COL6A3: variants seen among roughly 807,000 people sequenced by gnomAD.
COL6A3 encodes collagen type VI alpha 3 chain, also known as collagen alpha-3(VI) chain.
A neutral mutation model predicts 274.1 loss-of-function variants in COL6A3; 137 were observed. The ratio of observed to expected loss-of-function variants is 0.50; its 90% CI spans 0.44 to 0.58. The LOEUF is 0.58. Ranked by LOEUF, COL6A3 falls within the 20% of genes least tolerant of loss-of-function variation. The probability of loss-of-function intolerance (pLI) is 0.00; values close to 1 mark genes in which losing one functional copy is unlikely to be tolerated. For missense variants in COL6A3, 3,950 were observed against 4,124.9 expected (o/e 0.96, Z 1.16); for synonymous variants, 1,650 against 1,650.6 (o/e 1.00, Z 0.01).
rs2077779528 is a variant in COL6A3, at chr2:237,374,517, G to A, written c.3574C>T (p.Arg1192Cys). The A allele has an allele frequency of 7.4e-6, 12 of 1,614,186 alleles. No individual in the cohort carries two copies. The highest frequency in any genetic ancestry group is 1.0e-5 in the Non-Finnish European group (12 of 1,180,030). ...ACCTGTTGGACGGTCCCCAGCTGGC[G>A]AAAGGTGGGAATGGCCACGGCAAAG... ...PDFAVAIPTF[R>C]QLGTVQQVIS... Residue 1192 changes from arginine (R) to cysteine (C), a missense_variant, in exon 8 of 44, where the codon CGC (arginine) becomes TGC (cysteine). Around this residue, in one of 5 missense-constraint regions of COL6A3, gnomAD observed 1,934 missense variants for 1,984.3 expected, o/e 0.97. Transcript: ENST00000295550. This position sits in a 1 kb window ranked among gnomAD's most constrained non-coding sequence, Gnocchi z 4.8.
intron 3 of COL6A3, among the ~76,000 whole-genome samples, chr2:237,392,697 A>ATAT (rs2078322488): frequency 6.6e-6 from 1 of 152,250 alleles, no homozygotes; most frequent in African/African-American, 2.4e-5. Context: ...CTAAATACAC[A>ATAT]GAAGAGAGTC....
At chr2:237,384,779 C>T (rs908200258) in intron 4 of COL6A3, among the ~76,000 whole-genome samples, 1 of 152,154 alleles carries the variant, frequency 6.6e-6, no homozygotes, top group Non-Finnish European at 1.5e-5. Context: ...CCACCACTAA[C>T]CCACAGCCTA....
chr2:237,351,627 G>T (rs1016878241), intron 26 of COL6A3, among the ~76,000 whole-genome samples: 1 of 152,136 alleles, frequency 6.6e-6, no homozygotes. Flanking sequence ...TTAAAATGTG[G>T]TACAGTCTAC....
rs192833000 is a variant in COL6A3, at chr2:237,366,222, T to C, written c.5501-187A>G. Among the ~76,000 whole-genome samples, 100 of 152,260 alleles carry C rather than the reference T, an allele frequency of 6.6e-4. 2 individuals carry two copies. The highest frequency in any genetic ancestry group is 2.2e-3 in the African/African-American group (93 of 41,556). On this transcript the variant is annotated intron_variant, in intron 11 of 43. Coordinates refer to ENST00000295550, the MANE Select transcript of COL6A3 (RefSeq NM_004369.4). ...CCCCTCTCACAGAGAGAAATGAGGG[T>C]AGCTGTTAGGTGCCAAATAGTAAGC...
chr2:237,396,789 A>T lies in COL6A3; in HGVS notation c.29T>A (p.Val10Glu). 1 of 1,614,236 alleles carries T rather than the reference A, an allele frequency of 6.2e-7. No homozygotes were observed. The highest frequency in any genetic ancestry group is 8.5e-7 in the Non-Finnish European group (1 of 1,180,034). Residue 10 changes from valine to glutamate, a missense_variant, in exon 2 of 44, where the codon GTG becomes GAG. Around this residue, in one of 5 missense-constraint regions of COL6A3, gnomAD observed 1,934 missense variants for 1,984.3 expected, o/e 0.97. Coordinates refer to ENST00000295550, the MANE Select transcript of COL6A3 (RefSeq NM_004369.4). ...TGAGAGAAAGAGGCAAAAGACGGCC[A>T]CTAAGGGCAAGTGCCGATGTTTCCT... is the stretch of plus-strand genomic sequence containing the variant. MRKHRHLPL[V>E]AVFCLFLSGF...
rs1284636232 is a variant in COL6A3, at chr2:237,336,480, T to A, written c.8620A>T (p.Thr2874Ser). The change falls in exon 40 of 44, where the codon ACG becomes TCG. Residue 2874 changes from threonine (T) to serine (S), a missense_variant. Thr to Ser is a moderately conservative substitution (Grantham distance 58, BLOSUM62 1). Transcript: ENST00000295550. ...GGCTTCGTCGTAGTCACCGGCTTCG[T>A]TGTCGTCACTGGGTTGGATGTAGGA... ...SSPTSNPVTTTKPVTTTKPVT... is the reference protein window; with the variant it reads ...SSPTSNPVTTSKPVTTTKPVT... 1 of 1,614,150 alleles carries A rather than the reference T, an allele frequency of 6.2e-7. No homozygotes were observed. The highest frequency in any genetic ancestry group is 1.7e-5 in the Admixed American group (1 of 60,012).
intron 41 of COL6A3, 25 bp downstream of exon 41, chr2:237,334,601 C>T (rs1469674111): frequency 7.4e-6 from 12 of 1,611,510 alleles, no homozygotes; most frequent in South Asian, 6.6e-5. Flanking sequence ...AATCAGGTAC[C>T]GACTTGTACT....
At chr2:237,357,132 G>A in intron 23 of COL6A3, 2 of 694,932 alleles carry the variant, frequency 2.9e-6, no homozygotes, top group Non-Finnish European at 5.2e-6. Context: ...ATGTTTTTGG[G>A]GAGAGCAAGA....
rs547245390 is a variant in COL6A3 at position 237,413,776 on chromosome 2, C to T, written c.-31+177G>A. Among the ~76,000 whole-genome samples, 1 of 152,240 alleles carries T rather than the reference C, an allele frequency of 6.6e-6. No homozygotes were observed. Among genetic ancestry groups the T allele is most frequent in the African/African-American group, 2.4e-5 (1 of 41,530 alleles). ...TAACCAATTTAAGGAAATCCCATTG[C>T]CATAAAGTGAGAAAGAAAAATCAGC... is the stretch of plus-strand genomic sequence containing the variant. On this transcript the variant is annotated intron_variant, in intron 1 of 43. Coordinates refer to ENST00000295550, the MANE Select transcript of COL6A3 (RefSeq NM_004369.4). The surrounding 1 kb of genome is among the most constrained non-coding windows in gnomAD (Gnocchi z 4.0).
chr2:237,324,730 G>T lies in COL6A3; in HGVS notation c.*44C>A, dbSNP rs768032349. ...CTACAGAGACAAGTTGGCGATGGCT[G>T]ACTCCTTCTTCTTCAAGAGGTATAT... On this transcript the variant is annotated 3_prime_UTR_variant, in exon 44 of 44. Transcript: ENST00000295550. The T allele has an allele frequency of 1.9e-6, 3 of 1,600,378 alleles. No homozygotes were observed. The highest frequency in any genetic ancestry group is 1.1e-5 in the South Asian group (1 of 90,786).
chr2:237,398,512 G>A (rs1042356880), intron 1 of COL6A3, among the ~76,000 whole-genome samples: 2 of 152,160 alleles, frequency 1.3e-5, no homozygotes, highest in African/African-American at 2.4e-5. Flanking sequence ...GGGTCTTTCT[G>A]TCTAGGCTGA....
intron 28 of COL6A3, among the ~76,000 whole-genome samples, chr2:237,349,577 T>C (rs2077163858): frequency 6.6e-6 from 1 of 151,316 alleles, no homozygotes; most frequent in Non-Finnish European, 1.5e-5. Flanking sequence ...TGACTCCTTT[T>C]GGAAAAAGTC....
intron 3 of COL6A3, among the ~76,000 whole-genome samples, chr2:237,392,427 G>A (rs1318742094): frequency 1.3e-5 from 2 of 152,190 alleles, no homozygotes; most frequent in African/African-American, 4.8e-5. Context: ...ATGTGGTCCT[G>A]TAGAGTGATG....
rs2078386248 is a variant in COL6A3, at chr2:237,394,754, T to C, written c.542A>G (p.Asp181Gly). Residue 181 changes from aspartate to glycine, a missense_variant, in exon 3 of 44, where the codon GAT becomes GGT. Physicochemically the swap from Asp to Gly is moderately conservative, Grantham distance 94. Transcript: ENST00000295550. ...TGCTATTTCTTTTAACGCTCCTTCA[T>C]CTGCATCCTCAACTCCAATTGCAAA... ...NVFAIGVEDA[D>G]EGALKEIASE... 1 of 1,614,112 alleles carries C rather than the reference T, an allele frequency of 6.2e-7. No individual in the cohort carries two copies. Among genetic ancestry groups the C allele is most frequent in the Admixed American group, 1.7e-5 (1 of 60,006 alleles).
At chr2:237,330,175 T>C (rs1162284087) in intron 42 of COL6A3, 1 of 152,210 alleles carries the variant, frequency 6.6e-6, no homozygotes, top group Non-Finnish European at 1.5e-5. Flanking sequence ...TTAATAGTAA[T>C]ATGCATAGAA....
Position 237,387,836 on chromosome 2 carries a change from A to G in COL6A3, c.1058T>C (p.Ile353Thr), listed in dbSNP as rs2078187411. The change falls in exon 4 of 44, where the codon ATA becomes ACA. Residue 353 changes from isoleucine to threonine, a missense_variant. Around this residue, in one of 5 missense-constraint regions of COL6A3, gnomAD observed 1,934 missense variants for 1,984.3 expected, o/e 0.97. Transcript: ENST00000295550. Reference protein sequence around the residue: ...EEGVPQVLVLISAGPSSDEIR... With the variant: ...EEGVPQVLVLTSAGPSSDEIR... ...CTCGTCACTAGAAGGCCCGGCACTT[A>G]TGAGGACCAGCACCTGGGGAACCCC... The G allele has an allele frequency of 1.2e-6, 2 of 1,614,198 alleles. No homozygotes were observed. Among genetic ancestry groups the G allele is most frequent in the Admixed American group, 3.3e-5 (2 of 60,028 alleles).
intron 1 of COL6A3, among the ~76,000 whole-genome samples, chr2:237,398,794 G>C (rs2078516726): frequency 6.6e-6 from 1 of 152,186 alleles, no homozygotes. Flanking sequence ...TCTCTGGTCA[G>C]GGGTTCCCTT....
In COL6A3 at chr2:237,379,309, G is replaced by A. The variant is rs111759391; in HGVS notation, c.1898-74C>T. On this transcript the variant is annotated intron_variant, in intron 5 of 43. Transcript: ENST00000295550. ...GTTTTATCATGTGTGCCTACAACAC[G>A]TGCACACATGCCAACATTTAGAACA... The A allele has an allele frequency of 1.6e-4, 249 of 1,531,320 alleles. 1 individual carries two copies. The African/African-American group carries it at 2.9e-3, about 18-fold the overall frequency. 94.9% of individuals were successfully genotyped at this position (1,531,320 alleles called of 1,614,324 possible).
intron 42 of COL6A3, among the ~76,000 whole-genome samples, chr2:237,332,637 G>A (rs1700321330): frequency 1.3e-5 from 2 of 152,182 alleles, no homozygotes; most frequent in Admixed American, 6.5e-5. Context: ...CCCCTAGTTA[G>A]CAGAAAGCTT....
Sources: allele counts gnomAD v4.1 joint callset (sites outside exome capture counted in the v4.1 genomes callset), GRCh38; gene constraint gnomAD v4.1.1; regional missense constraint gnomAD v4.1.1; non-coding constraint Gnocchi (gnomAD v3.1); transcripts MANE v1.5; gene names NCBI Gene and HGNC (gene_info 2026-07-23, HGNC 2026-07-21).